Variants in MEI4 observed in about 807,000 individuals in gnomAD.
MEI4 encodes meiosis-specific protein MEI4.
In MEI4, 27 loss-of-function variants were observed where a neutral mutation model predicts 31.4. The ratio of observed to expected loss-of-function variants is 0.86; its 90% CI spans 0.63 to 1.19. The LOEUF is 1.19. Among genes scored for constraint, MEI4 ranks in the 50% most tolerant of loss-of-function variants. MEI4 has a pLI of 0.00. For synonymous variants in MEI4, 122 were observed against 145.4 expected, an observed-to-expected ratio of 0.84 and a Z score of 1.16; for missense variants, 329 against 398.9, an observed-to-expected ratio of 0.82 and a Z score of 1.49.
chr6:77,834,407 TTA>T (rs1004430992), intron 4 of MEI4, among the ~76,000 whole-genome samples: 59 of 147,668 alleles, frequency 4.0e-4, no homozygotes, highest in Non-Finnish European at 2.8e-4. Context: ...TAATATAAAA[TTA>T]TATTATATAT....
chr6:77,738,203 G>A (rs913909095), intron 2 of MEI4, among the ~76,000 whole-genome samples: 2 of 152,152 alleles, frequency 1.3e-5, no homozygotes, highest in African/African-American at 4.8e-5. Context: ...AAAGGGAATT[G>A]TATTGTCAAA....
At chr6:77,804,259 C>G (rs534912606) in intron 3 of MEI4, among the ~76,000 whole-genome samples, 6 of 151,898 alleles carry the variant, frequency 4.0e-5, no homozygotes, top group Admixed American at 3.9e-4. Flanking sequence ...GAGCCATGTA[C>G]GGGATATAAT....
At chr6:77,888,658 C>A (rs2127731280) in intron 4 of MEI4, among the ~76,000 whole-genome samples, 1 of 151,986 alleles carries the variant, frequency 6.6e-6, no homozygotes, top group East Asian at 1.9e-4. Context: ...ATATATTATC[C>A]CATTCTCTTC....
intron 4 of MEI4, among the ~76,000 whole-genome samples, chr6:77,918,757 T>C (rs999003044): frequency 5.3e-5 from 8 of 151,890 alleles, no homozygotes; most frequent in African/African-American, 1.9e-4. Flanking sequence ...GAATACCCTT[T>C]ATTTCCTTCT....
chr6:77,669,336 AGTT>A (rs1305992848), intron 1 of MEI4, among the ~76,000 whole-genome samples: 2 of 152,170 alleles, frequency 1.3e-5, no homozygotes, highest in Non-Finnish European at 2.9e-5. Context: ...GATTTTTAAT[AGTT>A]GTTTCAATTT....
intron 3 of MEI4, among the ~76,000 whole-genome samples, chr6:77,763,913 A>T (rs1386789082): frequency 6.6e-6 from 1 of 152,060 alleles, no homozygotes; most frequent in Non-Finnish European, 1.5e-5. Context: ...TCCTGGGTTC[A>T]GGCGATTCTC....
chr6:77,694,186 T>A (rs1582029508), intron 2 of MEI4, among the ~76,000 whole-genome samples: 1 of 152,044 alleles, frequency 6.6e-6, no homozygotes, highest in South Asian at 2.1e-4. Context: ...ACATTATTTG[T>A]TGTCTATTTG....
chr6:77,712,632 C>T (rs376863035), intron 2 of MEI4, among the ~76,000 whole-genome samples: 10 of 152,150 alleles, frequency 6.6e-5, no homozygotes, highest in East Asian at 5.8e-4. Context: ...GTAGGTGCTC[C>T]GTGATTAATT....
At chr6:77,884,092 ACTTCC>A (rs1771566595) in intron 4 of MEI4, among the ~76,000 whole-genome samples, 1 of 151,810 alleles carries the variant, frequency 6.6e-6, no homozygotes, top group South Asian at 2.1e-4. Context: ...TTTTATATTC[ACTTCC>A]CTTATGACTA....
At chr6:77,668,697 T>A (rs1768682612) in intron 1 of MEI4, among the ~76,000 whole-genome samples, 1 of 152,164 alleles carries the variant, frequency 6.6e-6, no homozygotes, top group African/African-American at 2.4e-5. Flanking sequence ...AAAAGGTACA[T>A]CACAGGATTA....
chr6:77,834,275 T>C (rs528837601), intron 4 of MEI4, among the ~76,000 whole-genome samples: 1 of 151,712 alleles, frequency 6.6e-6, no homozygotes, highest in South Asian at 2.1e-4. Flanking sequence ...ACATGGTAAA[T>C]AAGTTTAAGG....
chr6:77,831,505 T>C (rs1023800307), intron 4 of MEI4, among the ~76,000 whole-genome samples: 6 of 149,274 alleles, frequency 4.0e-5, no homozygotes, highest in African/African-American at 1.5e-4. Flanking sequence ...ATAAAGATAA[T>C]TTTATATATA....
chr6:77,805,822 T>C lies in MEI4; in HGVS notation c.769-23109T>C, dbSNP rs908057694. Reference sequence around the variant, plus strand: ...CCCTTAGAACAGAAAAATAATCATTTCATTCTGTAGCACAAGGACTTACAT... The same window carrying C: ...CCCTTAGAACAGAAAAATAATCATTCCATTCTGTAGCACAAGGACTTACAT... On this transcript the variant is annotated intron_variant, in intron 3 of 4. Transcript: ENST00000684080. Among the ~76,000 whole-genome samples the C allele has an allele frequency of 1.3e-4, 19 of 151,816 alleles. 1 individual carries two copies. The highest frequency in any genetic ancestry group is 2.8e-4 in the Non-Finnish European group (19 of 67,994).
Position 77,789,099 on chromosome 6 carries a change from T to C in MEI4, c.768+27434T>C, listed in dbSNP as rs544415512. On this transcript the variant is annotated intron_variant, in intron 3 of 4. Coordinates refer to ENST00000684080, the MANE Select transcript of MEI4 (RefSeq NM_001322247.2). The stretch of plus-strand genomic sequence containing the variant: ...AGAACAGAGCCCTCAGAAATAACAC[T>C]GCATATCTACAACTATCTGACCTTT... Among the ~76,000 whole-genome samples the C allele has an allele frequency of 1.4e-3, 215 of 152,204 alleles. 1 individual carries two copies. Among genetic ancestry groups the C allele is most frequent in the African/African-American group, 4.5e-3 (188 of 41,540 alleles).
intron 4 of MEI4, among the ~76,000 whole-genome samples, chr6:77,843,731 T>C (rs182557505): frequency 1.3e-5 from 2 of 152,164 alleles, no homozygotes; most frequent in Non-Finnish European, 2.9e-5. Context: ...GAAGATGCTG[T>C]GAAAATGCAA....
intron 3 of MEI4, among the ~76,000 whole-genome samples, chr6:77,816,187 T>C (rs565645552): frequency 6.6e-6 from 1 of 152,116 alleles, no homozygotes. Context: ...TTGCCTATGA[T>C]ATGTTTGTAT....
intron 1 of MEI4, among the ~76,000 whole-genome samples, chr6:77,680,029 G>A (rs1768923780): frequency 2.0e-5 from 3 of 150,000 alleles, no homozygotes; most frequent in African/African-American, 4.9e-5. Context: ...GTGAGCGACC[G>A]TGTCCAGCCA....
At chr6:77,760,995 A>T in intron 2 of MEI4, 135 bp from the exon 3 acceptor site, 3 of 588,660 alleles carry the variant, frequency 5.1e-6, no homozygotes, top group Non-Finnish European at 7.5e-6. Flanking sequence ...CTCAGTTTTT[A>T]CACTACTGCT....
At chr6:77,791,688 A>G (rs1462639323) in intron 3 of MEI4, among the ~76,000 whole-genome samples, 2 of 144,840 alleles carry the variant, frequency 1.4e-5, no homozygotes, top group Middle Eastern at 3.8e-3. Flanking sequence ...TAAAAAAAAA[A>G]AAAAGAAATA....
Sources: gnomAD v4.1 joint callset for allele counts (sites outside exome capture counted in the v4.1 genomes callset) on GRCh38, gnomAD v4.1.1 for gene constraint, MANE v1.5 for transcripts, NCBI Gene and HGNC (gene_info 2026-07-23, HGNC 2026-07-21) for gene names.